Variants in CTSB observed in about 807,000 individuals in gnomAD.
The protein encoded by CTSB is APP secretase.
In CTSB, 57 loss-of-function variants were observed where a neutral mutation model predicts 44.3. The observed-to-expected ratio is 1.29, with a 90% CI of 1.04 to 1.60. The LOEUF (loss-of-function observed/expected upper bound fraction) is 1.60. Among genes scored for constraint, CTSB ranks in the 40% most tolerant of loss-of-function variants. CTSB has a pLI of 0.00. For missense variants in CTSB, 768 were observed against 443.0 expected (o/e 1.73, Z -6.59); for synonymous variants, 320 against 168.0 (o/e 1.91, Z -7.00).
chr8:11,865,792 G>A (rs1039840023), intron 1 of CTSB, among the ~76,000 whole-genome samples: 1 of 148,426 alleles, frequency 6.7e-6, no homozygotes, highest in Admixed American at 6.8e-5. Context: ...GATCACTTGA[G>A]ATCAGGAGTT....
rs764992236 is a variant in CTSB, at chr8:11,845,642, G to A, written c.922+19C>T. ...GCTCACAATTCACTGTTCTTGGCAG[G>A]AAGGGGGCAGCCACTCACCATTGTC... is the stretch of plus-strand genomic sequence containing the variant. On this transcript the variant is annotated intron_variant, in intron 9 of 9. Transcript: ENST00000353047. 1.2e-6 allele frequency: 2 copies of A among 1,610,036 alleles called. No individual in the cohort carries two copies. Among genetic ancestry groups the A allele is most frequent in the East Asian group, 2.2e-5 (1 of 44,760 alleles).
chr8:11,858,637 T>C (rs1339391811), intron 1 of CTSB, among the ~76,000 whole-genome samples: 1 of 152,186 alleles, frequency 6.6e-6, no homozygotes, highest in African/African-American at 2.4e-5. Context: ...CATCCAAAAA[T>C]GCTTCCACTC....
At chr8:11,849,546 A>C in intron 4 of CTSB, 1 of 172,614 alleles carries the variant, frequency 5.8e-6, no homozygotes, top group Non-Finnish European at 1.3e-5. Flanking sequence ...AAATCTGCAA[A>C]ATGTGTAGTA....
At chr8:11,846,785 A>C (rs1262457570) in intron 8 of CTSB, among the ~76,000 whole-genome samples, 1 of 152,124 alleles carries the variant, frequency 6.6e-6, no homozygotes, top group Non-Finnish European at 1.5e-5. Flanking sequence ...TATGAGCTGG[A>C]CGCTAATGGA....
At chr8:11,856,420 C>A (rs757800628) in intron 1 of CTSB, among the ~76,000 whole-genome samples, 3 of 152,092 alleles carry the variant, frequency 2.0e-5, no homozygotes, top group Non-Finnish European at 2.9e-5. Context: ...TAGAGACCAG[C>A]CTGACTAAGG....
intron 5 of CTSB, 123 bp from the exon 6 acceptor site, chr8:11,848,275 G>A (rs376035491): frequency 4.1e-5 from 34 of 825,788 alleles, no homozygotes; most frequent in African/African-American, 2.3e-4. Flanking sequence ...CAAGTGGTGC[G>A]AGCAGACCTC....
intron 1 of CTSB, among the ~76,000 whole-genome samples, chr8:11,860,588 C>T (rs1816267662): frequency 6.6e-6 from 1 of 152,154 alleles, no homozygotes; most frequent in Non-Finnish European, 1.5e-5. Flanking sequence ...CGCACCATTG[C>T]ACTCCACCTT....
At position 11,844,603 on chromosome 8, in the gene CTSB, C is replaced by G. The variant is rs1167962949; in HGVS notation, c.*522G>C. On this transcript the variant is annotated 3_prime_UTR_variant, in exon 10 of 10. Transcript: ENST00000353047. Reference sequence around the variant, plus strand: ...ATAAAACTTCTATTAAAGAATCATGCTGAGCACAAGATCAGAGAGGTTGTG... The same window carrying G: ...ATAAAACTTCTATTAAAGAATCATGGTGAGCACAAGATCAGAGAGGTTGTG... 6.5e-6 allele frequency: 1 copy of G among 153,240 alleles called. No individual in the cohort carries two copies. The highest frequency in any genetic ancestry group is 1.5e-5 in the Non-Finnish European group (1 of 68,750). The allele number at this position is 153,240 out of a possible 1,614,324, so 9.5% of individuals were successfully genotyped here. A position where few individuals can be genotyped will look rare whatever the true frequency, so the allele number is the denominator to read the frequency against.
chr8:11,866,393 G>A (rs1817155019), intron 1 of CTSB, among the ~76,000 whole-genome samples: 2 of 152,226 alleles, frequency 1.3e-5, no homozygotes, highest in Admixed American at 1.3e-4. Flanking sequence ...TTGCCACCTG[G>A]GGAGCAAGGG....
Position 11,848,247 on chromosome 8 carries a change from A to AC in CTSB, c.447-96dup, listed in dbSNP as rs778476569. The AC allele has an allele frequency of 9.4e-6, 10 of 1,062,450 alleles. No individual in the cohort carries two copies. In the Admixed American group the frequency reaches 1.4e-4, roughly 15 times the overall value. 65.8% of individuals were successfully genotyped at this position (1,062,450 alleles called of 1,614,324 possible). On this transcript the variant is annotated intron_variant, in intron 5 of 9. Coordinates refer to ENST00000353047, the MANE Select transcript of CTSB (RefSeq NM_001908.5). Reference sequence around the variant, plus strand: ...CCCAAGTGCCCGAGGCCACTCGTGGACCCACCCCCAGCTGCAGCAAGTGGT... The same window carrying AC: ...CCCAAGTGCCCGAGGCCACTCGTGGACCCCACCCCCAGCTGCAGCAAGTGGT...
rs73209021 is a variant in CTSB, at chr8:11,845,732, C to G, written c.851G>C (p.Gly284Ala). The change falls in exon 9 of 10, where the codon GGC (glycine) becomes GCC (alanine). Residue 284 changes from glycine (G) to alanine (A), a missense_variant. Transcript: ENST00000353047. ...MMGGHAIRILGWGVENGTPYW... is the reference protein window; with the variant it reads ...MMGGHAIRILAWGVENGTPYW... Reference sequence around the variant, plus strand: ...GGGTGTGCCATTCTCCACTCCCCAGCCCAGGATGCGGATGGCATGGCCACC... The same window carrying G: ...GGGTGTGCCATTCTCCACTCCCCAGGCCAGGATGCGGATGGCATGGCCACC... 46 of 1,614,142 alleles carry G rather than the reference C, an allele frequency of 2.8e-5. No homozygotes were observed. Among genetic ancestry groups the G allele is most frequent in the Non-Finnish European group, 3.6e-5 (43 of 1,179,978 alleles).
At position 11,860,319 on chromosome 8, in the gene CTSB, C is replaced by G. The variant is rs188051086; in HGVS notation, c.-25-6840G>C. ...CTATACTGCTGGCTCCTCTCATAGT[C>G]AGCTCTAAAGAATTGAAAGTTGGCC... On this transcript the variant is annotated intron_variant, in intron 1 of 9. Transcript: ENST00000353047. Among the ~76,000 whole-genome samples, 609 of 152,178 alleles carry G rather than the reference C, an allele frequency of 4.0e-3. 6 individuals carry two copies. The highest frequency in any genetic ancestry group is 0.014 in the African/African-American group (564 of 41,526).
chr8:11,848,150 C>T lies in CTSB; in HGVS notation c.449G>A (p.Cys150Tyr), dbSNP rs1165181266. 6.2e-7 allele frequency: 1 copy of T among 1,613,964 alleles called. No individual in the cohort carries two copies. The highest frequency in any genetic ancestry group is 1.1e-5 in the South Asian group (1 of 91,070). ...AGCTTCAGCAGGATAGCCACCATTA[C>T]AGCTGAAAAGACAGCCTCTAATGAA... ...TCCGSMCGDG[C>Y]NGGYPAEAWN... Residue 150 changes from cysteine (C) to tyrosine (Y), a missense_variant and splice_region_variant, in exon 6 of 10, where the codon TGT becomes TAT. Coordinates refer to ENST00000353047, the MANE Select transcript of CTSB (RefSeq NM_001908.5).
intron 3 of CTSB, among the ~76,000 whole-genome samples, chr8:11,851,704 C>A (rs1014950367): frequency 2.0e-5 from 3 of 152,220 alleles, no homozygotes; most frequent in African/African-American, 7.2e-5. Context: ...AACTTAACTA[C>A]CCCATCCTCA....
intron 4 of CTSB, among the ~76,000 whole-genome samples, chr8:11,850,337 T>C (rs188681273): frequency 1.7e-4 from 25 of 143,658 alleles, no homozygotes; most frequent in East Asian, 1.0e-3. Flanking sequence ...GAGAATTGCT[T>C]GAACCCAGGA....
rs955792855 is a variant in CTSB at position 11,845,032 on chromosome 8, G to A, written c.*93C>T. The A allele has an allele frequency of 4.6e-6, 4 of 866,292 alleles. No individual in the cohort carries two copies. The highest frequency in any genetic ancestry group is 5.7e-6 in the Non-Finnish European group (3 of 529,396). 53.7% of individuals were successfully genotyped at this position (866,292 alleles called of 1,614,324 possible). On this transcript the variant is annotated 3_prime_UTR_variant, in exon 10 of 10. Transcript: ENST00000353047. ...TGGCCAATCCAGTCCTTCAGACCCT[G>A]TCTGAAACTTGTATCTTACGTGAAC... is the stretch of plus-strand genomic sequence containing the variant.
chr8:11,847,200 G>T, intron 7 of CTSB, 32 bp from the exon 8 acceptor site: 1 of 1,441,790 alleles, frequency 6.9e-7, no homozygotes, highest in Non-Finnish European at 9.8e-7. Flanking sequence ...GGGTTGGGGA[G>T]GGCAGTGACC....
chr8:11,844,671 G>A lies in CTSB; in HGVS notation c.*454C>T, dbSNP rs13361. Reference sequence around the variant, plus strand: ...GATGCAGGGGGCCTGGGAGACTGGCGTTCTCCAAAGGGCTCCCAACACCGT... The same window carrying A: ...GATGCAGGGGGCCTGGGAGACTGGCATTCTCCAAAGGGCTCCCAACACCGT... On this transcript the variant is annotated 3_prime_UTR_variant, in exon 10 of 10. Coordinates refer to ENST00000353047, the MANE Select transcript of CTSB (RefSeq NM_001908.5). 0.022 allele frequency: 3,444 copies of A among 160,110 alleles called. 129 individuals are homozygous for A. Among genetic ancestry groups the A allele is most frequent in the African/African-American group, 0.076 (3,177 of 41,812 alleles). 9.9% of individuals were successfully genotyped at this position (160,110 alleles called of 1,614,324 possible). A position where few individuals can be genotyped will look rare whatever the true frequency, so the allele number is the denominator to read the frequency against.
chr8:11,864,791 C>G (rs147120460), intron 1 of CTSB, among the ~76,000 whole-genome samples: 2,241 of 151,966 alleles, frequency 0.015, 55 homozygotes, highest in African/African-American at 0.049. Flanking sequence ...GTGCATGCCT[C>G]TAATCCCAGC....
Sources: allele counts gnomAD v4.1 joint callset (sites outside exome capture counted in the v4.1 genomes callset), GRCh38; gene constraint gnomAD v4.1.1; transcripts MANE v1.5; gene names NCBI Gene and HGNC (gene_info 2026-07-23, HGNC 2026-07-21).